Variants in JAK3 observed in about 807,000 individuals in gnomAD.
JAK3 encodes the protein tyrosine-protein kinase JAK3.
In JAK3, 88 loss-of-function variants were observed where a neutral mutation model predicts 120.8. The observed-to-expected ratio is 0.73, with a 90% confidence interval of 0.61 to 0.87. The LOEUF (loss-of-function observed/expected upper bound fraction) is 0.87, where lower values mean the gene tolerates loss of function less well. Ranked by LOEUF, JAK3 falls within the 40% of genes least tolerant of loss-of-function variation. The pLI is 0.00. For synonymous variants in JAK3, 592 were observed against 628.6 expected (o/e 0.94, Z 0.87); for missense variants, 1,254 against 1,501.4 (o/e 0.84, Z 2.72).
Position 17,825,850 on chromosome 19 carries a change from T to C in JAK3, c.*893A>G, listed in dbSNP as rs1254545714. 7.4e-6 allele frequency: 1 copy of C among 134,906 alleles called. No homozygotes were observed. The highest frequency in any genetic ancestry group is 1.5e-5 in the Non-Finnish European group (1 of 66,370). 8.4% of individuals were successfully genotyped at this position (134,906 alleles called of 1,614,324 possible). A position where few individuals can be genotyped will look rare whatever the true frequency, so the allele number is the denominator to read the frequency against. On this transcript the variant is annotated 3_prime_UTR_variant, in exon 24 of 24. Coordinates refer to ENST00000458235, the MANE Select transcript of JAK3 (RefSeq NM_000215.4). ...CAGGAGGCGGAGCTTGCAGTGAGCCTAGATTGCGCCACTGTACTCCAGCCT... is the reference window on the plus strand; with the variant it reads ...CAGGAGGCGGAGCTTGCAGTGAGCCCAGATTGCGCCACTGTACTCCAGCCT...
chr19:17,842,211 C>T lies in JAK3; in HGVS notation c.861+105G>A. On this transcript the variant is annotated intron_variant, in intron 6 of 23. Transcript: ENST00000458235. This position sits in a 1 kb window ranked among gnomAD's most constrained non-coding sequence, Gnocchi z 6.4. The stretch of plus-strand genomic sequence containing the variant: ...CCTCATTAAGCCTCGCCCACTTCCC[C>T]AAGTCTTTCGTTTTGGCTCCGCCCC... The T allele has an allele frequency of 7.9e-7, 1 of 1,262,584 alleles. No homozygotes were observed. The highest frequency in any genetic ancestry group is 1.1e-6 in the Non-Finnish European group (1 of 942,010). 78.2% of individuals were successfully genotyped at this position (1,262,584 alleles called of 1,614,324 possible).
rs751427824 is a variant in JAK3 at position 17,831,250 on chromosome 19, G to C, written c.2956C>G (p.Pro986Ala). The change falls in exon 21 of 24, where the codon CCA becomes GCA. Residue 986 changes from proline (P) to alanine (A), a missense_variant. Coordinates refer to ENST00000458235, the MANE Select transcript of JAK3 (RefSeq NM_000215.4). This position sits in a 1 kb window ranked among gnomAD's most constrained non-coding sequence, Gnocchi z 5.1. ...LDKDYYVVRE[P>A]GQSPIFWYAP... Reference sequence around the variant, plus strand: ...CACCAGAAAATGGGGCTCTGGCCTGGCTCGCGGACCACGTAGTAGTCTTTG... The same window carrying C: ...CACCAGAAAATGGGGCTCTGGCCTGCCTCGCGGACCACGTAGTAGTCTTTG... The C allele has an allele frequency of 1.2e-6, 2 of 1,612,286 alleles. No homozygotes were observed. The highest frequency in any genetic ancestry group is 1.1e-5 in the South Asian group (1 of 91,086).
At position 17,830,594 on chromosome 19, in the gene JAK3, T is replaced by G; in HGVS notation, c.3005A>C (p.Asn1002Thr). ...GACGTCTGACTGGCGAGAGAAGATG[T>G]TGTCCGAGAGGGATTCGGGGGCATA... ...FWYAPESLSD[N>T]IFSRQSDVWS... is the part of the protein sequence containing the mutation. Residue 1002 changes from asparagine to threonine, a missense_variant, in exon 22 of 24, where the codon AAC becomes ACC. Physicochemically the swap from Asn to Thr is moderately conservative, Grantham distance 65. Around this residue, in one of 3 missense-constraint regions of JAK3, gnomAD observed 630 missense variants for 819.8 expected, o/e 0.77. Coordinates refer to ENST00000458235, the MANE Select transcript of JAK3 (RefSeq NM_000215.4). 6.2e-7 allele frequency: 1 copy of G among 1,613,176 alleles called. No individual in the cohort carries two copies. Among genetic ancestry groups the G allele is most frequent in the Non-Finnish European group, 8.5e-7 (1 of 1,179,804 alleles).
rs770018197 is a variant in JAK3 at position 17,843,065 on chromosome 19, C to G, written c.528G>C (p.Glu176Asp). ...GCAGCTCTCCCGGCCGCTGGGCCTGCTCTCGCGCCATCCGGGCCAGGTCCA... is the reference window on the plus strand; with the variant it reads ...GCAGCTCTCCCGGCCGCTGGGCCTGGTCTCGCGCCATCCGGGCCAGGTCCA... Reference protein sequence around the residue: ...AVLDLARMAREQAQRPGELLK... With the variant: ...AVLDLARMARDQAQRPGELLK... The change falls in exon 5 of 24, where the codon GAG becomes GAC. Residue 176 changes from glutamate (E) to aspartate (D), a missense_variant. Glu to Asp is a conservative substitution (Grantham distance 45, BLOSUM62 2). Around this residue, in one of 3 missense-constraint regions of JAK3, gnomAD observed 486 missense variants for 503.0 expected, o/e 0.97. Coordinates refer to ENST00000458235, the MANE Select transcript of JAK3 (RefSeq NM_000215.4). The surrounding 1 kb of genome is among the most constrained non-coding windows in gnomAD (Gnocchi z 5.4). The G allele has an allele frequency of 2.5e-6, 4 of 1,610,714 alleles. No individual in the cohort carries two copies. The East Asian group carries it at 8.9e-5, about 36-fold the overall frequency.
chr19:17,846,259 G>A (rs1208783308), intron 1 of JAK3, among the ~76,000 whole-genome samples: 1 of 152,126 alleles, frequency 6.6e-6, no homozygotes, highest in African/African-American at 2.4e-5. Flanking sequence ...CAATTAATGT[G>A]CATTAATTTG....
chr19:17,846,704 C>T (rs531631249), intron 1 of JAK3, among the ~76,000 whole-genome samples: 1 of 152,222 alleles, frequency 6.6e-6, no homozygotes, highest in Admixed American at 6.5e-5. Flanking sequence ...CATGCCTCAG[C>T]TTCCCAAGTG....
At position 17,831,648 on chromosome 19, in the gene JAK3, A is replaced by C. The variant is rs2147676521; in HGVS notation, c.2805+26T>G. ...CCCAGGCCGTGCCAGCTGAATCCCCACAAGTCCCGGGGCGCCCCCTCGCAC... is the reference window on the plus strand; with the variant it reads ...CCCAGGCCGTGCCAGCTGAATCCCCCCAAGTCCCGGGGCGCCCCCTCGCAC... On this transcript the variant is annotated intron_variant, in intron 20 of 23. Transcript: ENST00000458235. This position sits in a 1 kb window ranked among gnomAD's most constrained non-coding sequence, Gnocchi z 5.1. The C allele has an allele frequency of 6.3e-7, 1 of 1,596,898 alleles. No individual in the cohort carries two copies.
At chr19:17,838,975 C>T (rs944751599) in intron 10 of JAK3, among the ~76,000 whole-genome samples, 4 of 152,134 alleles carry the variant, frequency 2.6e-5, no homozygotes, top group Admixed American at 6.6e-5. Flanking sequence ...CTCAGCCTCC[C>T]GAAGTGCTGG....
chr19:17,827,717 TA>T (rs760856974), intron 23 of JAK3, among the ~76,000 whole-genome samples: 3 of 77,688 alleles, frequency 3.9e-5, no homozygotes, highest in South Asian at 4.4e-4. Flanking sequence ...CCATCTTAAC[TA>T]AAAAAAAAAA....
intron 1 of JAK3, among the ~76,000 whole-genome samples, chr19:17,847,360 G>A (rs8100347): frequency 0.35 from 52,833 of 151,868 alleles, 11,237 homozygotes; most frequent in African/African-American, 0.61. Context: ...AATCTTAACA[G>A]AATATTATTA....
intron 8 of JAK3, among the ~76,000 whole-genome samples, chr19:17,840,943 G>C (rs3212737): frequency 0.097 from 14,649 of 150,572 alleles, 892 homozygotes; most frequent in African/African-American, 0.17. Flanking sequence ...TCAGCCTCCG[G>C]AGTCGCTGGG....
At position 17,841,484 on chromosome 19, in the gene JAK3, G is replaced by A. The variant is rs748541941; in HGVS notation, c.1047C>T (p.Phe349=). The change falls in exon 8 of 24, where the codon TTC becomes TTT. Residue 349 remains phenylalanine (F), a synonymous_variant. Coordinates refer to ENST00000458235, the MANE Select transcript of JAK3 (RefSeq NM_000215.4). This position sits in a 1 kb window ranked among gnomAD's most constrained non-coding sequence, Gnocchi z 4.1. The part of the protein sequence containing the change: ...LSFVALVDGY[F]RLTTDSQHFF... ...AGTGCTGGGAGTCCGTGGTCAGCCG[G>A]AAGTAGCCGTCCACGAGCGCCACGA... 12 of 1,566,746 alleles carry A rather than the reference G, an allele frequency of 7.7e-6. No homozygotes were observed. In the Admixed American group the frequency reaches 2.1e-4, roughly 27 times the overall value.
At position 17,833,001 on chromosome 19, in the gene JAK3, T is replaced by C. The variant is rs1409218527; in HGVS notation, c.2351-72A>G. On this transcript the variant is annotated intron_variant, in intron 17 of 23. Transcript: ENST00000458235. ...GCCCCACTCCTGAGTTGACTTGCTG[T>C]GCAACCTCCATCTGCATATTGACCC... 1.9e-6 allele frequency: 3 copies of C among 1,558,226 alleles called. No individual in the cohort carries two copies. The East Asian group carries it at 7.2e-5, about 37-fold the overall frequency.
rs2094204485 is a variant in JAK3, at chr19:17,826,690, A to G, written c.*53T>C. On this transcript the variant is annotated 3_prime_UTR_variant, in exon 24 of 24. Transcript: ENST00000458235. The stretch of plus-strand genomic sequence containing the variant: ...CCCAGAGAGGGGCAGCTCCGGGCCT[A>G]AGGTCACACAGCCAGTCAACAGAGA... The G allele has an allele frequency of 6.2e-7, 1 of 1,602,392 alleles. No individual in the cohort carries two copies. The highest frequency in any genetic ancestry group is 8.6e-7 in the Non-Finnish European group (1 of 1,169,572).
chr19:17,837,078 G>C lies in JAK3; in HGVS notation c.1786+51C>G, dbSNP rs1310203220. 4 of 1,270,800 alleles carry C rather than the reference G, an allele frequency of 3.1e-6. No homozygotes were observed. The East Asian group carries it at 8.2e-5, about 26-fold the overall frequency. 78.7% of individuals were successfully genotyped at this position (1,270,800 alleles called of 1,614,324 possible). On this transcript the variant is annotated intron_variant, in intron 13 of 23. Transcript: ENST00000458235. ...GCTCAGAACAGAGGTGGGAAGAACA[G>C]CCTAGACTTGGGTGAGGCAGGGGTG...
In JAK3 at chr19:17,842,840, G is replaced by A; in HGVS notation, c.566+187C>T. ...GACCCCACAGGCCTTTTAGCTGGGG[G>A]AGGTCAGGTGTCTGTCCAGCTGGAG... is the stretch of plus-strand genomic sequence containing the variant. On this transcript the variant is annotated intron_variant, in intron 5 of 23. Coordinates refer to ENST00000458235, the MANE Select transcript of JAK3 (RefSeq NM_000215.4). This position sits in a 1 kb window ranked among gnomAD's most constrained non-coding sequence, Gnocchi z 6.4. 1.1e-6 allele frequency: 1 copy of A among 895,756 alleles called. No homozygotes were observed. Among genetic ancestry groups the A allele is most frequent in the South Asian group, 1.6e-5 (1 of 64,428 alleles). The allele number at this position is 895,756 out of a possible 1,614,324, so 55.5% of individuals were successfully genotyped here.
At chr19:17,847,888 G>T in intron 1 of JAK3, 58 bp downstream of exon 1, 1 of 342,796 alleles carries the variant, frequency 2.9e-6, no homozygotes, top group Non-Finnish European at 4.2e-6. Context: ...GCCATCCCCC[G>T]CCACCACCAT....
rs781178874 is a variant in JAK3 at position 17,844,361 on chromosome 19, C to A, written c.57G>T (p.Leu19Phe). Residue 19 changes from leucine (L) to phenylalanine (F), a missense_variant, in exon 2 of 24, where the codon TTG (leucine) becomes TTT (phenylalanine). Around this residue, in one of 3 missense-constraint regions of JAK3, gnomAD observed 138 missense variants for 178.7 expected, o/e 0.77. Coordinates refer to ENST00000458235, the MANE Select transcript of JAK3 (RefSeq NM_000215.4). ...CATGCAGGGCACCAGCCTCCGTGGA[C>A]AAGAGGCTGCATGAACGCTGAGGGA... is the stretch of plus-strand genomic sequence containing the variant. ...PLIPQRSCSL[L>F]STEAGALHVL... 1 of 1,612,348 alleles carries A rather than the reference C, an allele frequency of 6.2e-7. No individual in the cohort carries two copies. Among genetic ancestry groups the A allele is most frequent in the South Asian group, 1.1e-5 (1 of 90,940 alleles).
rs2094201544 is a variant in JAK3 at position 17,824,990 on chromosome 19, G to A, written c.*1753C>T. ...TATGAGGGAAGGCTGCAAGGATGTG[G>A]TAGCTGGAGTTTTGAGAGATGGATA... is the stretch of plus-strand genomic sequence containing the variant. On this transcript the variant is annotated 3_prime_UTR_variant, in exon 24 of 24. Coordinates refer to ENST00000458235, the MANE Select transcript of JAK3 (RefSeq NM_000215.4). The A allele has an allele frequency of 4.5e-6, 1 of 223,012 alleles. No individual in the cohort carries two copies. The highest frequency in any genetic ancestry group is 9.0e-6 in the Non-Finnish European group (1 of 111,616). 13.8% of individuals were successfully genotyped at this position (223,012 alleles called of 1,614,324 possible). A position where few individuals can be genotyped will look rare whatever the true frequency, so the allele number is the denominator to read the frequency against.
Sources: gnomAD v4.1 joint callset for allele counts (sites outside exome capture counted in the v4.1 genomes callset) on GRCh38, gnomAD v4.1.1 for gene constraint, gnomAD v4.1.1 regional missense constraint, Gnocchi (gnomAD v3.1) non-coding constraint, MANE v1.5 for transcripts, NCBI Gene and HGNC (gene_info 2026-07-23, HGNC 2026-07-21) for gene names.